Variants in VPS53 observed in about 807,000 individuals in gnomAD.
VPS53 encodes VPS53 subunit of GARP complex.
In VPS53, 70 loss-of-function variants were observed where a neutral mutation model predicts 107.0. That is an observed-to-expected ratio of 0.65 (90% CI 0.54 to 0.80). The LOEUF is 0.80. VPS53 is among the 30% of genes least tolerant of loss of function. VPS53 has a pLI of 0.00. For synonymous variants in VPS53, 409 were observed against 393.3 expected (o/e 1.04, Z -0.47); for missense variants, 917 against 1,049.4 (o/e 0.87, Z 1.74).
intron 4 of VPS53, among the ~76,000 whole-genome samples, chr17:677,293 A>G (rs1352694147): frequency 6.6e-6 from 1 of 152,256 alleles, no homozygotes; most frequent in Admixed American, 6.5e-5. Flanking sequence ...GTGCTGATAC[A>G]TGCTACAACG....
chr17:518,892 C>T lies in VPS53; in HGVS notation c.*236G>A. 1 of 411,042 alleles carries T rather than the reference C, an allele frequency of 2.4e-6. No individual in the cohort carries two copies. The highest frequency in any genetic ancestry group is 4.3e-6 in the Non-Finnish European group (1 of 233,412). 25.5% of individuals were successfully genotyped at this position (411,042 alleles called of 1,614,324 possible). A position where few individuals can be genotyped will look rare whatever the true frequency, so the allele number is the denominator to read the frequency against. Reference sequence around the variant, plus strand: ...GACCTATCCTCCACTGCTGCCTCTGCTTCACGAACCAGAGATCACCTAAAT... The same window carrying T: ...GACCTATCCTCCACTGCTGCCTCTGTTTCACGAACCAGAGATCACCTAAAT... On this transcript the variant is annotated 3_prime_UTR_variant, in exon 22 of 22. Transcript: ENST00000437048.
At chr17:594,639 T>C (rs1967862227) in intron 12 of VPS53, among the ~76,000 whole-genome samples, 1 of 141,180 alleles carries the variant, frequency 7.1e-6, no homozygotes, top group Non-Finnish European at 1.5e-5. Flanking sequence ...GGAAGGGGTC[T>C]GGATCAATTT....
rs1913115271 is a variant in VPS53, at chr17:562,547, G to A, written c.1512C>T (p.Tyr504=). The change falls in exon 14 of 22, where the codon TAC becomes TAT. Residue 504 remains tyrosine, a synonymous_variant. Coordinates refer to ENST00000437048, the MANE Select transcript of VPS53 (RefSeq NM_001128159.3). Reference sequence around the variant, plus strand: ...GGATTTTCCAGGCGTATTCTCGGAGGTACTTCTGGAAAATGGTGGTCAGGG... The same window carrying A: ...GGATTTTCCAGGCGTATTCTCGGAGATACTTCTGGAAAATGGTGGTCAGGG... The part of the protein sequence containing the change: ...MIALTTIFQK[Y]LREYAWKILS... 6.2e-7 allele frequency: 1 copy of A among 1,614,066 alleles called. No homozygotes were observed. Among genetic ancestry groups the A allele is most frequent in the Non-Finnish European group, 8.5e-7 (1 of 1,180,016 alleles).
At chr17:608,420 A>G (rs185170461) in intron 11 of VPS53, among the ~76,000 whole-genome samples, 19 of 152,290 alleles carry the variant, frequency 1.2e-4, no homozygotes, top group Admixed American at 9.2e-4. Flanking sequence ...TCTGTAAACA[A>G]AACAAAAAGC....
intron 11 of VPS53, among the ~76,000 whole-genome samples, chr17:617,213 G>C (rs1969179463): frequency 1.3e-5 from 2 of 152,182 alleles, no homozygotes; most frequent in African/African-American, 4.8e-5. Context: ...CCTCATGCTT[G>C]TCGCCGGGCA....
At chr17:651,389 G>A (rs1970942652) in intron 7 of VPS53, among the ~76,000 whole-genome samples, 1 of 152,242 alleles carries the variant, frequency 6.6e-6, no homozygotes, top group South Asian at 2.1e-4. Flanking sequence ...GGGAGCCCAA[G>A]ACCAGCCCTG....
chr17:521,563 TAA>T, intron 20 of VPS53, 36 bp downstream of exon 20: 1 of 1,498,696 alleles, frequency 6.7e-7, no homozygotes, highest in Non-Finnish European at 9.0e-7. Flanking sequence ...AAAAAGAGAT[TAA>T]ATAAATAACT....
At position 697,423 on chromosome 17, in the gene VPS53, G is replaced by C. The variant is rs201414500; in HGVS notation, c.280C>G (p.Arg94Gly). 1.2e-6 allele frequency: 2 copies of C among 1,613,500 alleles called. No homozygotes were observed. The highest frequency in any genetic ancestry group is 1.7e-6 in the Non-Finnish European group (2 of 1,179,522). ...RGQTNVGQDG[R>G]QALEEAQKAI... is the part of the protein sequence containing the mutation. ...TGGAGGAATGAGTTACTTACTTGCC[G>C]TCCATCCTGCCCCACGTTCGTCTGA... Residue 94 changes from arginine to glycine, a missense_variant, in exon 4 of 22, where the codon CGG becomes GGG. Transcript: ENST00000437048.
chr17:662,736 A>C (rs972246690), intron 4 of VPS53, among the ~76,000 whole-genome samples: 4 of 142,462 alleles, frequency 2.8e-5, no homozygotes, highest in African/African-American at 5.4e-5. Flanking sequence ...AGGGAGAGAA[A>C]GAGAGACAAA....
At chr17:578,945 C>T (rs1029517276) in intron 13 of VPS53, among the ~76,000 whole-genome samples, 2 of 149,386 alleles carry the variant, frequency 1.3e-5, no homozygotes, top group Admixed American at 6.7e-5. Flanking sequence ...GAACCTAAGG[C>T]GTTCCCAAAG....
intron 13 of VPS53, among the ~76,000 whole-genome samples, chr17:563,175 T>G (rs1245611601): frequency 3.3e-5 from 5 of 152,298 alleles, no homozygotes; most frequent in African/African-American, 1.2e-4. Flanking sequence ...TAGTACTGTT[T>G]ACCCCTCCAA....
intron 12 of VPS53, among the ~76,000 whole-genome samples, chr17:590,057 C>T (rs902221952): frequency 2.0e-5 from 3 of 152,136 alleles, no homozygotes; most frequent in African/African-American, 7.2e-5. Flanking sequence ...TTTCACTGAG[C>T]AGTGGTTCGT....
rs1908771875 is a variant in VPS53 at position 521,765 on chromosome 17, C to T, written c.2086-27G>A. ...TGTGGAGCAAAGCAGAGAGCATTAC[C>T]GGCCCCTTCCAGCGACCCAGTGCCG... On this transcript the variant is annotated intron_variant, in intron 19 of 21. Coordinates refer to ENST00000437048, the MANE Select transcript of VPS53 (RefSeq NM_001128159.3). 4.7e-6 allele frequency: 7 copies of T among 1,485,124 alleles called. 1 individual carries two copies. Among genetic ancestry groups the T allele is most frequent in the South Asian group, 1.3e-5 (1 of 75,542 alleles). The allele number at this position is 1,485,124 out of a possible 1,614,324, so 92.0% of individuals were successfully genotyped here. A position where few individuals can be genotyped will look rare whatever the true frequency, so the allele number is the denominator to read the frequency against.
chr17:650,840 C>T (rs434307), intron 7 of VPS53, among the ~76,000 whole-genome samples: 128,608 of 152,228 alleles, frequency 0.84, 54,594 homozygotes, highest in African/African-American at 0.89. Flanking sequence ...TGTGGTATGT[C>T]ACGCTATGGG....
At chr17:571,757 C>G (rs1453346848) in intron 13 of VPS53, among the ~76,000 whole-genome samples, 9 of 152,388 alleles carry the variant, frequency 5.9e-5, no homozygotes, top group Non-Finnish European at 1.0e-4. Context: ...GTTGGCCGGG[C>G]TGGTCTCCAG....
chr17:579,584 C>T (rs1201733279), intron 13 of VPS53, among the ~76,000 whole-genome samples: 2 of 151,320 alleles, frequency 1.3e-5, no homozygotes, highest in Non-Finnish European at 2.9e-5. Flanking sequence ...TCCCTCATGA[C>T]CTAATGTGTT....
chr17:668,764 A>G (rs1971811344), intron 4 of VPS53, among the ~76,000 whole-genome samples: 1 of 152,158 alleles, frequency 6.6e-6, no homozygotes, highest in Non-Finnish European at 1.5e-5. Flanking sequence ...AAAAGGGGCT[A>G]AGTTATACAC....
chr17:579,403 G>A (rs2016507), intron 13 of VPS53, among the ~76,000 whole-genome samples: 34,696 of 128,392 alleles, frequency 0.27, 4,187 homozygotes, highest in Admixed American at 0.36. Flanking sequence ...GTGCATTACC[G>A]GAGAACCACC....
At chr17:699,440 C>T in intron 2 of VPS53, 60 bp from the exon 3 acceptor site, 1 of 1,409,090 alleles carries the variant, frequency 7.1e-7, no homozygotes, top group East Asian at 2.6e-5. Context: ...TCCTCTTTCA[C>T]AGGAAAATGA....
Sources: allele counts gnomAD v4.1 joint callset (sites outside exome capture counted in the v4.1 genomes callset), GRCh38; gene constraint gnomAD v4.1.1; transcripts MANE v1.5; gene names NCBI Gene and HGNC (gene_info 2026-07-23, HGNC 2026-07-21).